Variants in NSUN5 observed in about 807,000 individuals in gnomAD.
NSUN5 encodes NOP2/Sun RNA methyltransferase 5.
In NSUN5, 39 loss-of-function variants were observed where a neutral mutation model predicts 51.1. The ratio of observed to expected loss-of-function variants is 0.76; its 90% CI spans 0.59 to 1.00. NSUN5 has a LOEUF of 1.00. Ranked by LOEUF, NSUN5 falls within the 50% of genes least tolerant of loss-of-function variation. The pLI is 0.00. For synonymous variants in NSUN5, 266 were observed against 271.5 expected (o/e 0.98, Z 0.20); for missense variants, 526 against 614.0 (o/e 0.86, Z 1.51).
In NSUN5 at chr7:73,308,800, C is replaced by T. The variant is rs782117821; in HGVS notation, c.-10G>A. The T allele has an allele frequency of 2.5e-6, 4 of 1,612,538 alleles. No homozygotes were observed. Among genetic ancestry groups the T allele is most frequent in the African/African-American group, 1.3e-5 (1 of 75,008 alleles). ...CAGCATACAGCCCCATGTTCCCGCG[C>T]GCCTTTACGGCTCTGTGGCAAAACG... On this transcript the variant is annotated 5_prime_UTR_variant, in exon 1 of 10. Coordinates refer to ENST00000438747, the MANE Select transcript of NSUN5 (RefSeq NM_148956.4).
In NSUN5 at chr7:73,307,407, C is replaced by T. The variant is rs1804081598; in HGVS notation, c.487G>A (p.Gly163Ser). The T allele has an allele frequency of 6.2e-7, 1 of 1,613,852 alleles. No individual in the cohort carries two copies. Among genetic ancestry groups the T allele is most frequent in the South Asian group, 1.1e-5 (1 of 91,068 alleles). ...YFKRQGFSYQ[G>S]RASSLDDLRA... ...CTAAGCTCTCACCTGGAAGCCCGAC[C>T]CTGATAGGAGAAACCTTGTCTCTTG... Residue 163 changes from glycine (G) to serine (S), a missense_variant, in exon 4 of 10, where the codon GGT becomes AGT. Coordinates refer to ENST00000438747, the MANE Select transcript of NSUN5 (RefSeq NM_148956.4).
Position 73,304,033 on chromosome 7 carries a change from A to T in NSUN5, c.938T>A (p.Met313Lys). 6.2e-7 allele frequency: 1 copy of T among 1,613,926 alleles called. No homozygotes were observed. Among genetic ancestry groups the T allele is most frequent in the Non-Finnish European group, 8.5e-7 (1 of 1,179,874 alleles). ...LLDPSCSGSGMPSRQLEEPGA... is the reference protein window; with the variant it reads ...LLDPSCSGSGKPSRQLEEPGA... Reference sequence around the variant, plus strand: ...GGGCTCCTCCAGCTGTCTGCTCGGCATACCTAAGGAAAAGAGTGTCTCTGT... The same window carrying T: ...GGGCTCCTCCAGCTGTCTGCTCGGCTTACCTAAGGAAAAGAGTGTCTCTGT... The change falls in exon 8 of 10, where the codon ATG (methionine) becomes AAG (lysine). Residue 313 changes from methionine (M) to lysine (K), a missense_variant. By Grantham distance (95) the Met-to-Lys change is moderately conservative. Transcript: ENST00000438747.
Position 73,303,860 on chromosome 7 carries a change from G to C in NSUN5, c.1111C>G (p.Arg371Gly), listed in dbSNP as rs373541379. The C allele has an allele frequency of 2.5e-6, 4 of 1,613,808 alleles. No individual in the cohort carries two copies. The highest frequency in any genetic ancestry group is 1.7e-5 in the Admixed American group (1 of 59,986). ...LCQEENEDVVRDALQQNPGAF... is the reference protein window; with the variant it reads ...LCQEENEDVVGDALQQNPGAF... Reference sequence around the variant, plus strand: ...CCCGGGTTCTGCTGCAGCGCATCTCGCACCACGTCTTCATTCTCCTCCTGG... The same window carrying C: ...CCCGGGTTCTGCTGCAGCGCATCTCCCACCACGTCTTCATTCTCCTCCTGG... Residue 371 changes from arginine (R) to glycine (G), a missense_variant, in exon 8 of 10, where the codon CGA becomes GGA. Coordinates refer to ENST00000438747, the MANE Select transcript of NSUN5 (RefSeq NM_148956.4).
intron 4 of NSUN5, 25 bp downstream of exon 4, chr7:73,307,369 G>T: frequency 1.3e-6 from 2 of 1,547,376 alleles, no homozygotes; most frequent in Non-Finnish European, 1.8e-6. Context: ...CCTAGATGAG[G>T]ACAGCCAGGG....
In NSUN5 at chr7:73,304,313, T is replaced by C. The variant is rs782480394; in HGVS notation, c.851A>G (p.Glu284Gly). 26 of 1,614,018 alleles carry C rather than the reference T, an allele frequency of 1.6e-5. No individual in the cohort carries two copies. In the Middle Eastern group the frequency reaches 6.6e-4, roughly 41 times the overall value. ...CGAGGGGGAGACCGCCAGGAAGTCC[T>C]CCTCAGCCAGTTCACAGCAAGAGAC... ...AGVSCCELAE[E>G]DFLAVSPSDP... The change falls in exon 7 of 10, where the codon GAG becomes GGG. Residue 284 changes from glutamate (E) to glycine (G), a missense_variant. By Grantham distance (98) the Glu-to-Gly change is moderately conservative (BLOSUM62 -2). Coordinates refer to ENST00000438747, the MANE Select transcript of NSUN5 (RefSeq NM_148956.4).
chr7:73,303,050 A>C lies in NSUN5; in HGVS notation c.*365T>G. 1 of 1,332,606 alleles carries C rather than the reference A, an allele frequency of 7.5e-7. No homozygotes were observed. Among genetic ancestry groups the C allele is most frequent in the Non-Finnish European group, 9.6e-7 (1 of 1,038,404 alleles). 82.5% of individuals were successfully genotyped at this position (1,332,606 alleles called of 1,614,324 possible). A position where few individuals can be genotyped will look rare whatever the true frequency, so the allele number is the denominator to read the frequency against. On this transcript the variant is annotated 3_prime_UTR_variant, in exon 10 of 10. Transcript: ENST00000438747. Reference sequence around the variant, plus strand: ...CGCAGGCAGGACAGCCGGTCCGGGAACCCTGAGTGAGTGTGAGTGTGGATG... The same window carrying C: ...CGCAGGCAGGACAGCCGGTCCGGGACCCCTGAGTGAGTGTGAGTGTGGATG...
chr7:73,302,519 A>C lies in NSUN5; in HGVS notation c.*896T>G. The C allele has an allele frequency of 1.7e-6, 1 of 574,000 alleles. No homozygotes were observed. Among genetic ancestry groups the C allele is most frequent in the Non-Finnish European group, 2.2e-6 (1 of 458,756 alleles). 35.6% of individuals were successfully genotyped at this position (574,000 alleles called of 1,614,324 possible). On this transcript the variant is annotated 3_prime_UTR_variant, in exon 10 of 10. Coordinates refer to ENST00000438747, the MANE Select transcript of NSUN5 (RefSeq NM_148956.4). ...TAAATTAAAAGAAAAAAATATTTAA[A>C]CGTTTTTTAACAAAAATTTATTTTT...
Position 73,304,259 on chromosome 7 carries a change from AT to A in NSUN5, c.904del (p.Ile302SerfsTer82). 1 of 1,613,794 alleles carries A rather than the reference AT, an allele frequency of 6.2e-7. No homozygotes were observed. Among genetic ancestry groups the A allele is most frequent in the Non-Finnish European group, 8.5e-7 (1 of 1,179,838 alleles). On this transcript the variant is annotated frameshift_variant, in exon 7 of 10. Transcript: ENST00000438747. LOFTEE classifies it high-confidence loss of function. ...GCCACTGCAGGAAGGATCCAGCAGG[AT>A]GTAGTGGACCTCATGGTAGCGTGGA... ...SDPRYHEVHY[I>X]LLDPSCSGSG...
In NSUN5 at chr7:73,304,384, A is replaced by G; in HGVS notation, c.780T>C (p.Asp260=). Residue 260 remains aspartate (D), a synonymous_variant, in exon 7 of 10, where the codon GAT becomes GAC. Coordinates refer to ENST00000438747, the MANE Select transcript of NSUN5 (RefSeq NM_148956.4). ...NQGKIFAFDL[D]AKRLASMATL... ...TGGCCATGGATGCCAGCCGCTTGGC[A>G]TCCAGGTCAAAGGCAAAGATCTTCC... The G allele has an allele frequency of 6.2e-7, 1 of 1,613,258 alleles. No individual in the cohort carries two copies. The highest frequency in any genetic ancestry group is 2.2e-5 in the East Asian group (1 of 44,880).
rs1217956736 is a variant in NSUN5 at position 73,303,041 on chromosome 7, G to A, written c.*374C>T. 11 of 1,314,600 alleles carry A rather than the reference G, an allele frequency of 8.4e-6. No individual in the cohort carries two copies. Among genetic ancestry groups the A allele is most frequent in the East Asian group, 6.4e-5 (2 of 31,130 alleles). The allele number at this position is 1,314,600 out of a possible 1,614,324, so 81.4% of individuals were successfully genotyped here. A position where few individuals can be genotyped will look rare whatever the true frequency, so the allele number is the denominator to read the frequency against. ...CCTCAGTTCCGCAGGCAGGACAGCC[G>A]GTCCGGGAACCCTGAGTGAGTGTGA... On this transcript the variant is annotated 3_prime_UTR_variant, in exon 10 of 10. Transcript: ENST00000438747.
Position 73,303,584 on chromosome 7 carries a change from G to A in NSUN5, c.1286+16C>T, listed in dbSNP as rs370354845. The A allele has an allele frequency of 1.6e-5, 26 of 1,614,010 alleles. No individual in the cohort carries two copies. The highest frequency in any genetic ancestry group is 5.3e-5 in the African/African-American group (4 of 74,914). On this transcript the variant is annotated intron_variant, in intron 9 of 9. Transcript: ENST00000438747. ...GTGCCATCCTGCGCCTCCCAAGCAC[G>A]CCCCCACTCACTCACCTTGGCACCT...
intron 4 of NSUN5, among the ~76,000 whole-genome samples, chr7:73,306,067 G>A (rs1200835516): frequency 2.0e-5 from 3 of 152,098 alleles, no homozygotes; most frequent in East Asian, 1.9e-4. Flanking sequence ...AAAGCAGGAG[G>A]GACAGCACAG....
rs374061204 is a variant in NSUN5, at chr7:73,304,029, C to G, written c.942G>C (p.Pro314=). 37 of 1,613,894 alleles carry G rather than the reference C, an allele frequency of 2.3e-5. No homozygotes were observed. The East Asian group carries it at 8.2e-4, about 36-fold the overall frequency. ...CCCCGGGCTCCTCCAGCTGTCTGCT[C>G]GGCATACCTAAGGAAAAGAGTGTCT... The part of the protein sequence containing the change: ...LDPSCSGSGM[P]SRQLEEPGAG... The change falls in exon 8 of 10, where the codon CCG becomes CCC. Residue 314 remains proline (P), a synonymous_variant. Transcript: ENST00000438747.
rs781854523 is a variant in NSUN5, at chr7:73,305,050, G to T, written c.548C>A (p.Pro183His). Residue 183 changes from proline (P) to histidine (H), a missense_variant, in exon 5 of 10, where the codon CCC becomes CAC. Transcript: ENST00000438747. ...AAACACCAGCAGCTCCGGCATCAAG[G>T]GGTCCAGGAGAAAATGCTTCCCCTT... ...ALKGKHFLLD[P>H]LMPELLVFPA... 1.9e-6 allele frequency: 3 copies of T among 1,609,544 alleles called. No homozygotes were observed. Among genetic ancestry groups the T allele is most frequent in the African/African-American group, 2.7e-5 (2 of 74,772 alleles).
rs1554541065 is a variant in NSUN5, at chr7:73,303,527, G to C, written c.1289C>G (p.Ser430Ter). Reference protein sequence around the residue: ...AVIERVEVPSSASQAKASAPE... With the variant: ...AVIERVEVPS Reference sequence around the variant, plus strand: ...TGCTGATGCTTTGGCCTGTGAGGCTGAGCTAGAGAAGTGTAGATGTTAGAT... The same window carrying C: ...TGCTGATGCTTTGGCCTGTGAGGCTCAGCTAGAGAAGTGTAGATGTTAGAT... The change falls in exon 10 of 10, where the codon TCA (serine) becomes TGA (stop). Residue 430 changes from serine to a stop codon, truncating the protein, a stop_gained and splice_region_variant. Transcript: ENST00000438747. LOFTEE classifies it high-confidence loss of function. 6.2e-7 allele frequency: 1 copy of C among 1,614,078 alleles called. No homozygotes were observed. Among genetic ancestry groups the C allele is most frequent in the African/African-American group, 1.3e-5 (1 of 74,922 alleles).
At chr7:73,304,488 G>C in intron 6 of NSUN5, 80 bp from the exon 7 acceptor site, 1 of 1,356,180 alleles carries the variant, frequency 7.4e-7, no homozygotes, top group Non-Finnish European at 1.0e-6. Flanking sequence ...TGCAGGTTAA[G>C]CCAGGACACA....
chr7:73,307,281 T>C (rs1804076888), intron 4 of NSUN5, 113 bp downstream of exon 4: 4 of 757,606 alleles, frequency 5.3e-6, no homozygotes, highest in Non-Finnish European at 6.7e-6. Context: ...GATAAACTGC[T>C]GGAAAGGTAG....
In NSUN5 at chr7:73,304,797, G is replaced by C; in HGVS notation, c.705C>G (p.Ala235=). The C allele has an allele frequency of 1.2e-6, 2 of 1,613,896 alleles. No individual in the cohort carries two copies. Among genetic ancestry groups the C allele is most frequent in the Non-Finnish European group, 1.7e-6 (2 of 1,179,844 alleles). ...PPGSHVIDAC[A]APGNKTSHLA... is the part of the protein sequence containing the mutation. ...AGTGACTGGTCTTATTGCCTGGGGC[G>C]GCACAGGCATCGATGACATGGGAGC... The change falls in exon 6 of 10, where the codon GCC becomes GCG. Residue 235 remains alanine (A), a synonymous_variant. Transcript: ENST00000438747.
chr7:73,303,975 A>G lies in NSUN5; in HGVS notation c.996T>C (p.His332=). ...GAGTPSPVRL[H]ALAGFQQRAL... is the part of the protein sequence containing the mutation. ...CTCGCTGCTGGAACCCTGCCAGGGCATGCAGACGCACCGGGCTAGGTGTGC... is the reference window on the plus strand; with the variant it reads ...CTCGCTGCTGGAACCCTGCCAGGGCGTGCAGACGCACCGGGCTAGGTGTGC... The change falls in exon 8 of 10, where the codon CAT becomes CAC. Residue 332 remains histidine, a synonymous_variant. Transcript: ENST00000438747. 2 of 1,614,180 alleles carry G rather than the reference A, an allele frequency of 1.2e-6. No individual in the cohort carries two copies. The highest frequency in any genetic ancestry group is 1.7e-6 in the Non-Finnish European group (2 of 1,180,038).
Sources: allele counts gnomAD v4.1 joint callset (sites outside exome capture counted in the v4.1 genomes callset), GRCh38; gene constraint gnomAD v4.1.1; transcripts MANE v1.5; gene names NCBI Gene and HGNC (gene_info 2026-07-23, HGNC 2026-07-21).